Variants in TNFRSF8 observed in about 807,000 individuals in gnomAD.
TNFRSF8 encodes the protein TNF receptor superfamily member 8, also known as tumor necrosis factor receptor superfamily member 8.
In TNFRSF8, 26 loss-of-function variants were observed where a neutral mutation model predicts 70.8. The ratio of observed to expected loss-of-function variants is 0.37; its 90% CI spans 0.27 to 0.51. The LOEUF is 0.51. Among genes scored for constraint, TNFRSF8 ranks in the 20% least tolerant of loss-of-function variants. TNFRSF8 has a pLI of 0.94. For missense variants in TNFRSF8, 720 were observed against 807.9 expected, an observed-to-expected ratio of 0.89 and a Z score of 1.32; for synonymous variants, 356 against 339.2, an observed-to-expected ratio of 1.05 and a Z score of -0.54.
At position 12,110,319 on chromosome 1, in the gene TNFRSF8, G is replaced by A; in HGVS notation, c.676+115G>A. 1 of 1,118,744 alleles carries A rather than the reference G, an allele frequency of 8.9e-7. No individual in the cohort carries two copies. The highest frequency in any genetic ancestry group is 1.2e-6 in the Non-Finnish European group (1 of 812,570). The allele number at this position is 1,118,744 out of a possible 1,614,324, so 69.3% of individuals were successfully genotyped here. ...GTGATCTGTGGTCTTTTCCTGGTGGGGAGAGAAGACGGTGGTAAGGTATGA... is the reference window on the plus strand; with the variant it reads ...GTGATCTGTGGTCTTTTCCTGGTGGAGAGAGAAGACGGTGGTAAGGTATGA... On this transcript the variant is annotated intron_variant, in intron 6 of 14. Coordinates refer to ENST00000263932, the MANE Select transcript of TNFRSF8 (RefSeq NM_001243.5). This position sits in a 1 kb window ranked among gnomAD's most constrained non-coding sequence, Gnocchi z 4.0.
In TNFRSF8 at chr1:12,113,094, T is replaced by C. The variant is rs1224249939; in HGVS notation, c.793+1080T>C. On this transcript the variant is annotated intron_variant, in intron 7 of 14. Transcript: ENST00000263932. This position sits in a 1 kb window ranked among gnomAD's most constrained non-coding sequence, Gnocchi z 4.9. ...TACTCACAGATTCTGTGAGTCAGAA[T>C]TCAGACAGGGCACTGCGGGGACAGC... 2.6e-5 allele frequency among the ~76,000 whole-genome samples: 4 copies of C among 152,236 alleles called. No individual in the cohort carries two copies. Among genetic ancestry groups the C allele is most frequent in the Non-Finnish European group, 5.9e-5 (4 of 68,036 alleles).
At chr1:12,089,456 A>G (rs1309005302) in intron 2 of TNFRSF8, among the ~76,000 whole-genome samples, 2 of 152,246 alleles carry the variant, frequency 1.3e-5, no homozygotes, top group East Asian at 3.9e-4. Context: ...TCTCCTGTCC[A>G]TCCCACTCGC....
At position 12,109,615 on chromosome 1, in the gene TNFRSF8, C is replaced by G. The variant is rs1379649028; in HGVS notation, c.471C>G (p.Ser157Arg). The G allele has an allele frequency of 6.2e-7, 1 of 1,613,690 alleles. No individual in the cohort carries two copies. The highest frequency in any genetic ancestry group is 1.3e-5 in the African/African-American group (1 of 74,928). The change falls in exon 5 of 15, where the codon AGC (serine) becomes AGG (arginine). Residue 157 changes from serine to arginine, a missense_variant. By Grantham distance (110) the Ser-to-Arg change is moderately radical (BLOSUM62 -1). Coordinates refer to ENST00000263932, the MANE Select transcript of TNFRSF8 (RefSeq NM_001243.5). The surrounding 1 kb of genome is among the most constrained non-coding windows in gnomAD (Gnocchi z 4.4). ...TVCEPASPGV[S>R]PACASPENCK... is the part of the protein sequence containing the mutation. ...GTGAGCCGGCTTCCCCAGGGGTCAG[C>G]CCTGCCTGTGCCAGCCCAGAGAACT...
In TNFRSF8 at chr1:12,123,704, T is replaced by G; in HGVS notation, c.1041-11T>G. 1 of 1,551,990 alleles carries G rather than the reference T, an allele frequency of 6.4e-7. No individual in the cohort carries two copies. Among genetic ancestry groups the G allele is most frequent in the Non-Finnish European group, 8.7e-7 (1 of 1,145,974 alleles). ...ATCTTCATCACTCCTGCCTTGGGCT[T>G]CTCCCCGCAGCACCAGCCCCACTCA... On this transcript the variant is annotated splice_polypyrimidine_tract_variant and intron_variant, in intron 9 of 14. Transcript: ENST00000263932.
chr1:12,091,069 C>T (rs1031475140), intron 2 of TNFRSF8, among the ~76,000 whole-genome samples: 3 of 152,150 alleles, frequency 2.0e-5, no homozygotes. Context: ...ATCTGTAAGT[C>T]AGAGAGAAAG....
At chr1:12,132,243 TACA>T (rs1434076247) in intron 12 of TNFRSF8, among the ~76,000 whole-genome samples, 1 of 152,260 alleles carries the variant, frequency 6.6e-6, no homozygotes, top group Non-Finnish European at 1.5e-5. Context: ...GACACAGGAT[TACA>T]AACGAAAGCC....
intron 2 of TNFRSF8, among the ~76,000 whole-genome samples, chr1:12,087,503 T>C (rs1641176575): frequency 6.6e-6 from 1 of 152,156 alleles, no homozygotes; most frequent in Non-Finnish European, 1.5e-5. Context: ...TGTCCCCATG[T>C]GGGATGCCCT....
At chr1:12,089,596 A>G (rs1641211755) in intron 2 of TNFRSF8, among the ~76,000 whole-genome samples, 1 of 152,174 alleles carries the variant, frequency 6.6e-6, no homozygotes, top group African/African-American at 2.4e-5. Context: ...CCAATGCAGC[A>G]AGCATTTATT....
chr1:12,066,904 C>T (rs531611254), intron 1 of TNFRSF8, among the ~76,000 whole-genome samples: 15 of 152,254 alleles, frequency 9.9e-5, no homozygotes, highest in Middle Eastern at 3.4e-3. Flanking sequence ...CCTCCCACCT[C>T]GGCATCCCAA....
chr1:12,106,993 G>C (rs1641536694), intron 4 of TNFRSF8, among the ~76,000 whole-genome samples: 1 of 152,236 alleles, frequency 6.6e-6, no homozygotes, highest in Admixed American at 6.5e-5. Context: ...TCTGGGCAGT[G>C]TTCCTGAGAC....
chr1:12,129,284 A>G (rs1283183139), intron 12 of TNFRSF8, among the ~76,000 whole-genome samples: 1 of 152,186 alleles, frequency 6.6e-6, no homozygotes, highest in Non-Finnish European at 1.5e-5. Flanking sequence ...TTTTGACCTG[A>G]ACCATTTGAG....
In TNFRSF8 at chr1:12,110,803, G is replaced by A. The variant is rs1367483877; in HGVS notation, c.676+599G>A. Reference sequence around the variant, plus strand: ...AGTAGAGATGGGATTTCACCATGTTGGTCAGGCTGGTCTCGAACTCCCGAC... The same window carrying A: ...AGTAGAGATGGGATTTCACCATGTTAGTCAGGCTGGTCTCGAACTCCCGAC... On this transcript the variant is annotated intron_variant, in intron 6 of 14. Transcript: ENST00000263932. This position sits in a 1 kb window ranked among gnomAD's most constrained non-coding sequence, Gnocchi z 4.0. Among the ~76,000 whole-genome samples the A allele has an allele frequency of 2.0e-5, 3 of 152,024 alleles. No homozygotes were observed. The highest frequency in any genetic ancestry group is 4.4e-5 in the Non-Finnish European group (3 of 68,016).
intron 1 of TNFRSF8, among the ~76,000 whole-genome samples, chr1:12,073,687 G>C (rs1245935708): frequency 6.7e-6 from 1 of 150,324 alleles, no homozygotes; most frequent in South Asian, 2.1e-4. Flanking sequence ...TCTGCCTCCC[G>C]GGTTCAAACG....
intron 10 of TNFRSF8, among the ~76,000 whole-genome samples, chr1:12,125,246 G>A (rs540204233): frequency 2.0e-5 from 3 of 152,334 alleles, no homozygotes; most frequent in South Asian, 2.1e-4. Flanking sequence ...AAAACGAAGC[G>A]AGTTTAGTAC....
intron 1 of TNFRSF8, among the ~76,000 whole-genome samples, chr1:12,075,823 C>T (rs1031680180): frequency 3.9e-5 from 6 of 152,324 alleles, no homozygotes; most frequent in East Asian, 1.9e-4. Context: ...ATCAGCCTAA[C>T]GGCTAACGTC....
intron 3 of TNFRSF8, 42 bp downstream of exon 3, chr1:12,097,259 C>A (rs758415024): frequency 2.1e-6 from 3 of 1,459,906 alleles, no homozygotes; most frequent in South Asian, 2.3e-5. Context: ...TTCTAGGGAG[C>A]ATGAGGGGTC....
intron 2 of TNFRSF8, among the ~76,000 whole-genome samples, chr1:12,087,339 T>C (rs1347667935): frequency 6.6e-6 from 1 of 151,996 alleles, no homozygotes; most frequent in Non-Finnish European, 1.5e-5. Flanking sequence ...AGCTAGTTTT[T>C]GTATTTTTAG....
chr1:12,102,249 G>A (rs1450272845), intron 3 of TNFRSF8, among the ~76,000 whole-genome samples: 1 of 152,146 alleles, frequency 6.6e-6, no homozygotes. Context: ...GAGGGCAATG[G>A]GGCTCAGGTG....
chr1:12,070,285 C>G, intron 1 of TNFRSF8, among the ~76,000 whole-genome samples: 1 of 152,036 alleles, frequency 6.6e-6, no homozygotes, highest in East Asian at 1.9e-4. Context: ...GAGTCTTGCT[C>G]TGTTGCCCAG....
Sources: gnomAD v4.1 joint callset for allele counts (sites outside exome capture counted in the v4.1 genomes callset) on GRCh38, gnomAD v4.1.1 for gene constraint, Gnocchi (gnomAD v3.1) non-coding constraint, MANE v1.5 for transcripts, NCBI Gene and HGNC (gene_info 2026-07-23, HGNC 2026-07-21) for gene names.